Variants in LRP1B observed in about 807,000 individuals in gnomAD.
LRP1B encodes low-density lipoprotein receptor-related protein 1B.
Under a neutral mutation model 556.6 loss-of-function variants are expected in LRP1B, and 217 were observed. The ratio of observed to expected loss-of-function variants is 0.39; its 90% CI spans 0.35 to 0.44. The LOEUF is 0.44. LRP1B is among the 20% of genes least tolerant of loss of function. LRP1B has a pLI of 1.00. For missense variants in LRP1B, 5,053 were observed against 5,620.8 expected, an observed-to-expected ratio of 0.90 and a Z score of 3.23; for synonymous variants, 2,047 against 1,865.8, an observed-to-expected ratio of 1.10 and a Z score of -2.50.
intron 3 of LRP1B, among the ~76,000 whole-genome samples, chr2:141,453,350 T>C (rs749744114): frequency 6.6e-6 from 1 of 152,218 alleles, no homozygotes; most frequent in Admixed American, 6.5e-5. Flanking sequence ...CCATTCACCT[T>C]GAATGCTTTT....
chr2:142,130,263 A>G (rs1707804520), intron 1 of LRP1B, among the ~76,000 whole-genome samples: 1 of 152,214 alleles, frequency 6.6e-6, no homozygotes, highest in Non-Finnish European at 1.5e-5. Flanking sequence ...TAACGCGGAG[A>G]ACCTGGAGCT....
At chr2:141,307,899 A>G (rs1315144379) in intron 3 of LRP1B, among the ~76,000 whole-genome samples, 2 of 152,178 alleles carry the variant, frequency 1.3e-5, no homozygotes, top group Non-Finnish European at 2.9e-5. Flanking sequence ...GGGTGATGGC[A>G]GTACCAGTGG....
At chr2:141,225,447 C>G (rs190674131) in intron 6 of LRP1B, among the ~76,000 whole-genome samples, 1 of 152,126 alleles carries the variant, frequency 6.6e-6, no homozygotes. Context: ...ATGGAATTCA[C>G]CACTTTTGTA....
At chr2:141,275,448 C>T (rs1205966108) in intron 3 of LRP1B, among the ~76,000 whole-genome samples, 1 of 152,130 alleles carries the variant, frequency 6.6e-6, no homozygotes, top group Admixed American at 6.5e-5. Context: ...GTGGCTCATG[C>T]CTGCAATCCC....
intron 2 of LRP1B, among the ~76,000 whole-genome samples, chr2:141,698,272 C>T (rs559751878): frequency 1.5e-4 from 23 of 151,862 alleles, no homozygotes; most frequent in East Asian, 1.2e-3. Flanking sequence ...GAAAATCCTG[C>T]TCTCGCACAT....
At chr2:141,897,543 C>T (rs1357619072) in intron 1 of LRP1B, among the ~76,000 whole-genome samples, 1 of 152,168 alleles carries the variant, frequency 6.6e-6, no homozygotes, top group Non-Finnish European at 1.5e-5. Context: ...TCCACTCCCT[C>T]CCTCCAGTGA....
In LRP1B at chr2:140,743,993, T is replaced by TAAAAAAAAA. The variant is rs1297190080; in HGVS notation, c.5758+25219_5758+25220insTTTTTTTTT. Among the ~76,000 whole-genome samples, 6 of 7,162 alleles carry TAAAAAAAAA rather than the reference T, an allele frequency of 8.4e-4. 3 individuals carry two copies. The highest frequency in any genetic ancestry group is 1.3e-3 in the African/African-American group (4 of 3,168). The allele number at this position is 7,162 out of a possible 152,430, so 4.7% of individuals were successfully genotyped here. On this transcript the variant is annotated intron_variant, in intron 35 of 90. Transcript: ENST00000389484. ...AAAAAAAAAAAAAAAAAAAAAAAAG[T>TAAAAAAAAA]AAAAAGTAAAATCCATAGACATAGA... is the stretch of plus-strand genomic sequence containing the variant.
intron 2 of LRP1B, among the ~76,000 whole-genome samples, chr2:141,606,552 A>G (rs533168278): frequency 1.3e-5 from 2 of 152,320 alleles, no homozygotes; most frequent in South Asian, 4.1e-4. Flanking sequence ...CTTAGAGATA[A>G]GGTCTTTAAA....
At chr2:141,620,950 T>A (rs76329203) in intron 2 of LRP1B, among the ~76,000 whole-genome samples, 5 of 147,020 alleles carry the variant, frequency 3.4e-5, no homozygotes, top group Non-Finnish European at 6.1e-5. Context: ...AACCTTTTAA[T>A]AAAAAAAAAA....
intron 82 of LRP1B, among the ~76,000 whole-genome samples, chr2:140,317,257 A>AAATGGCAGCT (rs1476665579): frequency 1.3e-5 from 2 of 152,130 alleles, no homozygotes; most frequent in Non-Finnish European, 2.9e-5. Flanking sequence ...GCAGGGGTTA[A>AAATGGCAGCT]AATGGCAGCT....
intron 1 of LRP1B, among the ~76,000 whole-genome samples, chr2:142,016,874 A>T (rs1043602889): frequency 6.0e-5 from 9 of 149,292 alleles, no homozygotes; most frequent in Non-Finnish European, 1.3e-4. Context: ...ACATATATGT[A>T]TATATGTGTT....
intron 2 of LRP1B, among the ~76,000 whole-genome samples, chr2:141,688,605 C>T (rs1412682701): frequency 6.6e-6 from 1 of 151,754 alleles, no homozygotes; most frequent in African/African-American, 2.4e-5. Context: ...GAAACTGAGG[C>T]CCAGAGAGGT....
At chr2:141,816,691 A>T (rs1696563655) in intron 1 of LRP1B, among the ~76,000 whole-genome samples, 1 of 152,108 alleles carries the variant, frequency 6.6e-6, no homozygotes, top group Non-Finnish European at 1.5e-5. Context: ...GTATCCTACT[A>T]GTTCTGTCCC....
intron 2 of LRP1B, among the ~76,000 whole-genome samples, chr2:141,525,578 T>C (rs983885229): frequency 6.6e-6 from 1 of 152,086 alleles, no homozygotes; most frequent in Non-Finnish European, 1.5e-5. Context: ...TAAATAATTA[T>C]GCTTTCAACT....
At chr2:142,055,106 T>C (rs985253457) in intron 1 of LRP1B, among the ~76,000 whole-genome samples, 2 of 152,016 alleles carry the variant, frequency 1.3e-5, no homozygotes, top group African/African-American at 2.4e-5. Context: ...GATATAATAG[T>C]GGACAAGACA....
intron 2 of LRP1B, among the ~76,000 whole-genome samples, chr2:141,779,507 C>T (rs1383401025): frequency 6.6e-6 from 1 of 150,598 alleles, no homozygotes; most frequent in South Asian, 2.1e-4. Context: ...GCAACCTCTG[C>T]CCAGGTTCAA....
At chr2:141,383,242 C>A (rs1055124194) in intron 3 of LRP1B, among the ~76,000 whole-genome samples, 2 of 152,080 alleles carry the variant, frequency 1.3e-5, no homozygotes, top group African/African-American at 4.8e-5. Context: ...GAAAAATAAA[C>A]CCTCCTATAC....
intron 27 of LRP1B, among the ~76,000 whole-genome samples, chr2:140,867,126 G>A (rs1352855711): frequency 6.6e-6 from 1 of 151,976 alleles, no homozygotes; most frequent in Non-Finnish European, 1.5e-5. Flanking sequence ...AACATTGAGT[G>A]GAGGAAACAC....
At chr2:141,198,267 C>G (rs1681836445) in intron 6 of LRP1B, among the ~76,000 whole-genome samples, 1 of 152,086 alleles carries the variant, frequency 6.6e-6, no homozygotes. Context: ...AACAAAGGCT[C>G]TGTCAGGTTG....
Sources: allele counts gnomAD v4.1 joint callset (sites outside exome capture counted in the v4.1 genomes callset), GRCh38; gene constraint gnomAD v4.1.1; transcripts MANE v1.5; gene names NCBI Gene and HGNC (gene_info 2026-07-23, HGNC 2026-07-21).